Variants in DNAH8 observed in about 807,000 individuals in gnomAD.
The protein encoded by DNAH8 is dynein axonemal heavy chain 8.
A neutral mutation model predicts 562.1 loss-of-function variants in DNAH8; 382 were observed. The ratio of observed to expected loss-of-function variants is 0.68; its 90% CI spans 0.63 to 0.74. DNAH8 has a LOEUF of 0.74. Among genes scored for constraint, DNAH8 ranks in the 30% least tolerant of loss-of-function variants. The pLI is 0.00. For missense variants in DNAH8, 5,203 were observed against 5,620.4 expected (o/e 0.93, Z 2.37); for synonymous variants, 1,881 against 1,919.4 (o/e 0.98, Z 0.52).
chr6:38,885,610 G>A (rs977444979), intron 56 of DNAH8, among the ~76,000 whole-genome samples: 3 of 152,100 alleles, frequency 2.0e-5, no homozygotes, highest in South Asian at 2.1e-4. Context: ...CCCTCTTCCC[G>A]TGACTCTTTG....
intron 89 of DNAH8, among the ~76,000 whole-genome samples, chr6:39,010,807 A>G (rs1281416640): frequency 2.9e-5 from 4 of 136,796 alleles, no homozygotes; most frequent in African/African-American, 5.3e-5. Context: ...GTACGCACAC[A>G]CACACACACA....
chr6:38,921,044 C>A (rs1204907149), intron 70 of DNAH8, among the ~76,000 whole-genome samples: 1 of 152,038 alleles, frequency 6.6e-6, no homozygotes, highest in African/African-American at 2.4e-5. Flanking sequence ...GTGCATGCCA[C>A]CATACCTAGC....
chr6:38,765,229 T>C (rs1339776284), intron 11 of DNAH8, among the ~76,000 whole-genome samples: 1 of 152,240 alleles, frequency 6.6e-6, no homozygotes, highest in Non-Finnish European at 1.5e-5. Context: ...CTATTAGATA[T>C]ATGGTTTGCA....
chr6:38,911,681 GA>G (rs1300133809), intron 66 of DNAH8, 95 bp downstream of exon 66: 25 of 859,698 alleles, frequency 2.9e-5, no homozygotes, highest in Non-Finnish European at 4.1e-5. Flanking sequence ...GTCTGAAAAT[GA>G]AATACTCACT....
intron 71 of DNAH8, 56 bp from the exon 72 acceptor site, chr6:38,923,002 G>C: frequency 2.6e-6 from 4 of 1,558,586 alleles, no homozygotes; most frequent in Non-Finnish European, 3.5e-6. Flanking sequence ...TATAATGGAT[G>C]TTTGTGTTAA....
intron 53 of DNAH8, among the ~76,000 whole-genome samples, chr6:38,879,202 T>C (rs992156909): frequency 2.6e-5 from 4 of 152,026 alleles, no homozygotes; most frequent in African/African-American, 9.7e-5. Context: ...TTCCAAAAGA[T>C]ATAAAATGTA....
chr6:38,908,119 C>T lies in DNAH8; in HGVS notation c.9512C>T (p.Pro3171Leu). ...KNLHVVLCFSPVGEKFRARSL... is the reference protein window; with the variant it reads ...KNLHVVLCFSLVGEKFRARSL... ...TTACATGTTGTTCTCTGCTTTTCTCCAGTAAGTTTTTATTTTTATTTATAT... is the reference window on the plus strand; with the variant it reads ...TTACATGTTGTTCTCTGCTTTTCTCTAGTAAGTTTTTATTTTTATTTATAT... The change falls in exon 64 of 93, where the codon CCA becomes CTA. Residue 3171 changes from proline (P) to leucine (L), a missense_variant and splice_region_variant. Pro to Leu is a moderately conservative substitution (Grantham distance 98, BLOSUM62 -3). Transcript: ENST00000327475. 1 of 1,542,012 alleles carries T rather than the reference C, an allele frequency of 6.5e-7. No individual in the cohort carries two copies. Among genetic ancestry groups the T allele is most frequent in the Non-Finnish European group, 8.7e-7 (1 of 1,144,672 alleles).
At chr6:38,766,139 A>ATGTGTGTGTGTGTGCGTGTG (rs57039279) in intron 11 of DNAH8, among the ~76,000 whole-genome samples, 90 of 150,994 alleles carry the variant, frequency 6.0e-4, no homozygotes, top group South Asian at 2.3e-3. Flanking sequence ...ATGTGTTTGT[A>ATGTGTGTGTGTGTGCGTGTG]TGTGTGTGTG....
Position 38,803,214 on chromosome 6 carries a change from C to G in DNAH8, c.2937C>G (p.His979Gln), listed in dbSNP as rs142078696. 2.4e-5 allele frequency: 39 copies of G among 1,607,190 alleles called. No homozygotes were observed. The highest frequency in any genetic ancestry group is 3.0e-5 in the Non-Finnish European group (35 of 1,176,450). ...YTKEWADILNHKSKHVEEAVR... is the reference protein window; with the variant it reads ...YTKEWADILNQKSKHVEEAVR... ...AAGAATGGGCTGACATTCTAAACCA[C>G]AAAAGTAAGCATGTGGAAGAAGCTG... Residue 979 changes from histidine (H) to glutamine (Q), a missense_variant, in exon 22 of 93, where the codon CAC (histidine) becomes CAG (glutamine). Transcript: ENST00000327475.
intron 22 of DNAH8, 131 bp from the exon 23 acceptor site, chr6:38,805,350 C>T (rs1032757484): frequency 3.2e-6 from 2 of 617,070 alleles, no homozygotes; most frequent in African/African-American, 1.9e-5. Flanking sequence ...ATGCGAAAAG[C>T]ATTTTTCAAA....
At chr6:38,874,043 TTTC>T (rs1357433048) in intron 52 of DNAH8, among the ~76,000 whole-genome samples, 428 of 27,558 alleles carry the variant, frequency 0.016, 27 homozygotes, top group African/African-American at 0.066. Context: ...TTTTCTTTTC[TTTC>T]TTTCTTTCTT....
intron 91 of DNAH8, among the ~76,000 whole-genome samples, chr6:39,014,657 G>A (rs1391031983): frequency 6.6e-6 from 1 of 152,198 alleles, no homozygotes; most frequent in Non-Finnish European, 1.5e-5. Context: ...GCAGTGAGTA[G>A]GGTTTGCAGA....
Position 38,722,845 on chromosome 6 carries a change from G to T in DNAH8, c.36G>T (p.Glu12Asp). 6.2e-7 allele frequency: 1 copy of T among 1,605,470 alleles called. No homozygotes were observed. The change falls in exon 2 of 93, where the codon GAG becomes GAT. Residue 12 changes from glutamate (E) to aspartate (D), a missense_variant. Transcript: ENST00000327475. ...EKDAEDGAPS[E>D]GAEAPPSTEE... The stretch of plus-strand genomic sequence containing the variant: ...ATGCTGAAGATGGCGCCCCTTCTGA[G>T]GGAGCAGAGGCTCCTCCCTCTACGG...
chr6:38,791,591 CTGAAGGAGATAGCCAAAACTG>C lies in DNAH8; in HGVS notation c.2821_2841del (p.Lys941_Val947del). The C allele has an allele frequency of 3.7e-6, 6 of 1,613,728 alleles. No homozygotes were observed. Among genetic ancestry groups the C allele is most frequent in the Non-Finnish European group, 5.1e-6 (6 of 1,179,868 alleles). ...GTGTGAAATGCATATTGATACAGTT[CTGAAGGAGATAGCCAAAACTG>C]TGTTGATTTCTCTGCCTGAAAGTGG... On this transcript the variant is annotated inframe_deletion, in exon 21 of 93. Coordinates refer to ENST00000327475, the MANE Select transcript of DNAH8 (RefSeq NM_001206927.2).
At chr6:38,743,816 C>T (rs181802890) in intron 8 of DNAH8, among the ~76,000 whole-genome samples, 24 of 152,156 alleles carry the variant, frequency 1.6e-4, no homozygotes, top group Admixed American at 3.3e-4. Context: ...TTATGCATAA[C>T]GCTGCTATGA....
chr6:38,975,046 T>G (rs2150698004), intron 85 of DNAH8, among the ~76,000 whole-genome samples: 1 of 152,290 alleles, frequency 6.6e-6, no homozygotes, highest in South Asian at 2.1e-4. Flanking sequence ...TTATGTATTG[T>G]TTTGACTCTA....
intron 30 of DNAH8, among the ~76,000 whole-genome samples, chr6:38,830,466 C>G (rs1338483992): frequency 6.6e-6 from 1 of 151,550 alleles, no homozygotes; most frequent in Admixed American, 6.6e-5. Context: ...AACCCTGCCT[C>G]TACTAAAATT....
chr6:38,734,538 T>C lies in DNAH8; in HGVS notation c.675T>C (p.Asn225=). The change falls in exon 5 of 93, where the codon AAT becomes AAC. Residue 225 remains asparagine, a synonymous_variant. Coordinates refer to ENST00000327475, the MANE Select transcript of DNAH8 (RefSeq NM_001206927.2). ...GAKMMKLYID[N]AAPDKLKGLC... is the part of the protein sequence containing the mutation. ...AAATGATGAAATTGTATATAGACAA[T>C]GCAGCCCCGGATAAACTAAAAGGAC... 2.5e-6 allele frequency: 4 copies of C among 1,614,032 alleles called. No individual in the cohort carries two copies. The highest frequency in any genetic ancestry group is 3.4e-6 in the Non-Finnish European group (4 of 1,180,004).
intron 9 of DNAH8, among the ~76,000 whole-genome samples, chr6:38,753,627 A>G (rs1018017735): frequency 2.0e-5 from 3 of 152,228 alleles, no homozygotes; most frequent in African/African-American, 7.2e-5. Flanking sequence ...CTTGAAAGAA[A>G]GAATACTCTT....
Sources: allele counts gnomAD v4.1 joint callset (sites outside exome capture counted in the v4.1 genomes callset), GRCh38; gene constraint gnomAD v4.1.1; transcripts MANE v1.5; gene names NCBI Gene and HGNC (gene_info 2026-07-23, HGNC 2026-07-21).